The following XPR1 variants were observed in gnomAD, a reference collection of about 807,000 sequenced individuals.
XPR1 encodes xenotropic and polytropic retrovirus receptor 1.
In XPR1, 28 loss-of-function variants were observed where a neutral mutation model predicts 87.5. That is an observed-to-expected ratio of 0.32 (90% confidence interval 0.24 to 0.44). The LOEUF is 0.44. Ranked by LOEUF, XPR1 falls within the 20% of genes least tolerant of loss-of-function variation. The probability of loss-of-function intolerance (pLI) is 1.00; values close to 1 mark genes in which losing one functional copy is unlikely to be tolerated. For synonymous variants in XPR1, 300 were observed against 306.1 expected (o/e 0.98, Z 0.21); for missense variants, 559 against 862.3 (o/e 0.65, Z 4.41).
At chr1:180,801,676 T>C (rs918211090) in intron 3 of XPR1, among the ~76,000 whole-genome samples, 5 of 152,020 alleles carry the variant, frequency 3.3e-5, no homozygotes, top group African/African-American at 9.7e-5. Flanking sequence ...AGTATAGCAG[T>C]AGATAAAGCA....
At chr1:180,876,358 A>G (rs1237332706) in intron 13 of XPR1, among the ~76,000 whole-genome samples, 1 of 152,200 alleles carries the variant, frequency 6.6e-6, no homozygotes, top group Non-Finnish European at 1.5e-5. Context: ...AATCAGGGCC[A>G]GGCACGGTGG....
intron 1 of XPR1, among the ~76,000 whole-genome samples, chr1:180,644,049 A>T (rs931172781): frequency 7.2e-5 from 11 of 152,184 alleles, no homozygotes; most frequent in Non-Finnish European, 1.3e-4. Context: ...ATTGAATGAT[A>T]TTAAGCTCAC....
Position 180,889,372 on chromosome 1 carries a change from C to G in XPR1, c.*5306C>G, listed in dbSNP as rs143023378. On this transcript the variant is annotated 3_prime_UTR_variant, in exon 15 of 15. Transcript: ENST00000367590. ...CTTCCACCATATTACCTTAGTTCTT[C>G]CTATGCCCTTTCCTCTGTGCCACCA... 1 of 152,352 alleles carries G rather than the reference C, an allele frequency of 6.6e-6. No individual in the cohort carries two copies. The highest frequency in any genetic ancestry group is 1.9e-4 in the East Asian group (1 of 5,180). The allele number at this position is 152,352 out of a possible 1,614,324, so 9.4% of individuals were successfully genotyped here.
intron 2 of XPR1, among the ~76,000 whole-genome samples, chr1:180,759,247 G>A (rs185795740): frequency 0.043 from 6,555 of 152,028 alleles, 503 homozygotes; most frequent in African/African-American, 0.15. Context: ...GCTAGCAGAA[G>A]GCAAGAAATA....
chr1:180,738,381 A>G (rs1001862505), intron 2 of XPR1, among the ~76,000 whole-genome samples: 5 of 152,218 alleles, frequency 3.3e-5, no homozygotes, highest in Non-Finnish European at 7.3e-5. Flanking sequence ...CACCAGCAAC[A>G]TAAGAGTTGG....
intron 2 of XPR1, among the ~76,000 whole-genome samples, chr1:180,711,433 G>A (rs1398166241): frequency 6.6e-6 from 1 of 152,204 alleles, no homozygotes; most frequent in South Asian, 2.1e-4. Flanking sequence ...CCAACACAGC[G>A]AAACCCCGTC....
At chr1:180,879,905 AC>A (rs567044317) in intron 13 of XPR1, among the ~76,000 whole-genome samples, 170 bp from the exon 14 acceptor site, 11 of 150,054 alleles carry the variant, frequency 7.3e-5, no homozygotes, top group East Asian at 2.0e-4. Context: ...TGTTTCCCTT[AC>A]CCCCCCACCA....
intron 2 of XPR1, among the ~76,000 whole-genome samples, chr1:180,715,134 A>G (rs1657943658): frequency 6.6e-6 from 1 of 152,238 alleles, no homozygotes; most frequent in African/African-American, 2.4e-5. Flanking sequence ...TTTGGATACT[A>G]CTAAGTATAT....
chr1:180,813,174 C>T (rs748101581), intron 7 of XPR1, among the ~76,000 whole-genome samples: 3 of 149,288 alleles, frequency 2.0e-5, no homozygotes, highest in Non-Finnish European at 3.0e-5. Flanking sequence ...TGGGCCTTTC[C>T]GATATTATAT....
intron 2 of XPR1, among the ~76,000 whole-genome samples, chr1:180,731,539 C>CAGATA (rs1388532437): frequency 1.2e-4 from 18 of 152,118 alleles, no homozygotes; most frequent in Non-Finnish European, 5.9e-5. Context: ...CTGAGGAACT[C>CAGATA]AGATAAAACA....
chr1:180,786,315 CACAT>C (rs1558007698), intron 2 of XPR1, among the ~76,000 whole-genome samples: 1 of 152,120 alleles, frequency 6.6e-6, no homozygotes, highest in Non-Finnish European at 1.5e-5. Flanking sequence ...GTATGTGTCT[CACAT>C]ACTACTTTTG....
chr1:180,812,938 C>T (rs926652984), intron 7 of XPR1, among the ~76,000 whole-genome samples: 8 of 152,014 alleles, frequency 5.3e-5, no homozygotes, highest in Admixed American at 1.3e-4. Context: ...CATGAGCCAC[C>T]GCGCCCGGCC....
intron 2 of XPR1, among the ~76,000 whole-genome samples, chr1:180,709,226 A>T: frequency 6.6e-6 from 1 of 152,232 alleles, no homozygotes; most frequent in East Asian, 1.9e-4. Flanking sequence ...ATAAGCATGT[A>T]AAGTTTTAAA....
intron 11 of XPR1, among the ~76,000 whole-genome samples, chr1:180,858,057 A>G (rs1652094302): frequency 6.6e-6 from 1 of 152,146 alleles, no homozygotes; most frequent in Non-Finnish European, 1.5e-5. Flanking sequence ...TCTCTACTAA[A>G]AATACAAAAT....
intron 1 of XPR1, among the ~76,000 whole-genome samples, chr1:180,672,850 T>A (rs537668649): frequency 1.9e-4 from 29 of 152,308 alleles, no homozygotes; most frequent in African/African-American, 5.5e-4. Flanking sequence ...TAAAAAAGTA[T>A]CTGTTGTAAT....
At chr1:180,670,798 G>A (rs1426941073) in intron 1 of XPR1, among the ~76,000 whole-genome samples, 5 of 152,186 alleles carry the variant, frequency 3.3e-5, no homozygotes, top group Admixed American at 3.3e-4. Flanking sequence ...AAACCTAGTA[G>A]TAACAAACTT....
intron 7 of XPR1, among the ~76,000 whole-genome samples, chr1:180,815,311 G>A (rs1277292151): frequency 6.6e-6 from 1 of 152,004 alleles, no homozygotes; most frequent in Non-Finnish European, 1.5e-5. Context: ...TTTTTTATGT[G>A]TGCTGTGTAT....
At chr1:180,882,970 G>GT (rs968344097) in intron 14 of XPR1, among the ~76,000 whole-genome samples, 67 of 149,308 alleles carry the variant, frequency 4.5e-4, no homozygotes, top group East Asian at 2.4e-3. Flanking sequence ...GGGGTTGGTT[G>GT]TTTTTTTTTG....
intron 2 of XPR1, among the ~76,000 whole-genome samples, chr1:180,739,156 C>T (rs369304489): frequency 2.6e-4 from 40 of 152,246 alleles, no homozygotes; most frequent in Non-Finnish European, 4.3e-4. Context: ...TTTGAATTGC[C>T]TGTGCACCTT....
Sources: allele counts gnomAD v4.1 joint callset (sites outside exome capture counted in the v4.1 genomes callset), GRCh38; gene constraint gnomAD v4.1.1; transcripts MANE v1.5; gene names NCBI Gene and HGNC (gene_info 2026-07-23, HGNC 2026-07-21).